The following PTPRA variants were observed in gnomAD, a reference collection of about 807,000 sequenced individuals.
PTPRA encodes receptor-type tyrosine-protein phosphatase alpha.
In PTPRA, 25 loss-of-function variants were observed where a neutral mutation model predicts 104.8. That is an observed-to-expected ratio of 0.24 (90% CI 0.17 to 0.33). The LOEUF (loss-of-function observed/expected upper bound fraction) is 0.33. Among genes scored for constraint, PTPRA ranks in the 10% least tolerant of loss-of-function variants. The pLI, the probability that PTPRA is intolerant of heterozygous loss-of-function variation, is 1.00. For synonymous variants in PTPRA, 323 were observed against 368.9 expected, an observed-to-expected ratio of 0.88 and a Z score of 1.43; for missense variants, 765 against 1,015.3, an observed-to-expected ratio of 0.75 and a Z score of 3.35.
At chr20:2,980,545 G>A (rs375958831) in intron 6 of PTPRA, among the ~76,000 whole-genome samples, 4 of 151,564 alleles carry the variant, frequency 2.6e-5, no homozygotes, top group Non-Finnish European at 5.9e-5. Context: ...GTGAGACTCC[G>A]TCTCGAGAAA....
At chr20:2,992,078 C>T (rs2063199127) in intron 9 of PTPRA, among the ~76,000 whole-genome samples, 1 of 152,170 alleles carries the variant, frequency 6.6e-6, no homozygotes, top group African/African-American at 2.4e-5. Context: ...TTTTCTTCTT[C>T]AGTTAACTGT....
At chr20:2,867,927 C>G in the PTPRA span, among the ~76,000 whole-genome samples, 1 of 152,198 alleles carries the variant, frequency 6.6e-6, no homozygotes, top group Non-Finnish European at 1.5e-5. Context: ...AACTATCATG[C>G]TCGCCATTCA....
intron 11 of PTPRA, among the ~76,000 whole-genome samples, chr20:3,009,805 CA>C (rs991764933): frequency 1.3e-5 from 2 of 151,848 alleles, no homozygotes; most frequent in Non-Finnish European, 2.9e-5. Flanking sequence ...TTAGTGTGTC[CA>C]GCTGCGGGTA....
At chr20:2,924,934 C>T (rs2060239274) in intron 2 of PTPRA, among the ~76,000 whole-genome samples, 1 of 152,170 alleles carries the variant, frequency 6.6e-6, no homozygotes, top group Admixed American at 6.6e-5. Context: ...CTGCCTCTGC[C>T]TCCCAAAGTG....
chr20:2,877,998 A>G (rs910722566), intron 1 of PTPRA, among the ~76,000 whole-genome samples: 15 of 152,066 alleles, frequency 9.9e-5, no homozygotes, highest in African/African-American at 2.9e-4. Context: ...TAAAAATACA[A>G]AAATTAGCTG....
intron 1 of PTPRA, among the ~76,000 whole-genome samples, chr20:2,921,163 A>G (rs1274763352): frequency 7.2e-5 from 11 of 152,148 alleles, no homozygotes; most frequent in Admixed American, 4.6e-4. Flanking sequence ...CTCTGAAAGC[A>G]GGAGGGCAAA....
intron 1 of PTPRA, among the ~76,000 whole-genome samples, chr20:2,904,126 G>A (rs114572200): frequency 0.042 from 6,450 of 151,830 alleles, 316 homozygotes; most frequent in Admixed American, 0.11. Context: ...ATGATGCCCC[G>A]GCTGGTCTTG....
chr20:3,034,108 T>G (rs1032943294), intron 20 of PTPRA, among the ~76,000 whole-genome samples: 3 of 151,896 alleles, frequency 2.0e-5, no homozygotes, highest in Non-Finnish European at 4.4e-5. Context: ...CTGTCTCTAC[T>G]AAAAATACAA....
chr20:2,994,380 C>G (rs2063316648), intron 9 of PTPRA, among the ~76,000 whole-genome samples: 1 of 152,160 alleles, frequency 6.6e-6, no homozygotes, highest in South Asian at 2.1e-4. Context: ...CTTTCCGTTT[C>G]CATTACTGGG....
chr20:2,970,214 TAC>T (rs1330764632), intron 5 of PTPRA, among the ~76,000 whole-genome samples: 1 of 152,186 alleles, frequency 6.6e-6, no homozygotes, highest in South Asian at 2.1e-4. Context: ...TTATAAACAA[TAC>T]AGTTTGTCAT....
intron 2 of PTPRA, among the ~76,000 whole-genome samples, chr20:2,933,251 T>G (rs2060570928): frequency 6.6e-6 from 1 of 152,204 alleles, no homozygotes; most frequent in Non-Finnish European, 1.5e-5. Context: ...CAAAGATGAA[T>G]TTTTTCAGTT....
intron 1 of PTPRA, among the ~76,000 whole-genome samples, chr20:2,895,938 A>G (rs1423248516): frequency 1.3e-5 from 2 of 152,188 alleles, no homozygotes; most frequent in African/African-American, 2.4e-5. Flanking sequence ...AGTTTTTTCA[A>G]TAAGAGATCA....
At chr20:2,919,333 G>A (rs681167) in intron 1 of PTPRA, among the ~76,000 whole-genome samples, 98,721 of 152,052 alleles carry the variant, frequency 0.65, 34,011 homozygotes, top group African/African-American at 0.86. Flanking sequence ...CTTACTATCA[G>A]GTTCAGTAAT....
intron 1 of PTPRA, among the ~76,000 whole-genome samples, chr20:2,882,261 CTAGA>C (rs1296313592): frequency 1.3e-5 from 2 of 151,410 alleles, no homozygotes; most frequent in Non-Finnish European, 2.9e-5. Context: ...CTCAGTATCG[CTAGA>C]TACTCTTTTT....
chr20:3,026,033 C>T (rs2065126649), intron 17 of PTPRA, among the ~76,000 whole-genome samples: 1 of 151,506 alleles, frequency 6.6e-6, no homozygotes, highest in African/African-American at 2.4e-5. Context: ...GCAACCTCTG[C>T]CTCCCGGGTT....
In PTPRA at chr20:2,901,420, A is replaced by G. The variant is rs533779509; in HGVS notation, c.-128-21787A>G. 1.2e-3 allele frequency among the ~76,000 whole-genome samples: 176 copies of G among 152,304 alleles called. 1 individual carries two copies. Among genetic ancestry groups the G allele is most frequent in the Non-Finnish European group, 2.3e-3 (159 of 68,022 alleles). ...AATAATGTATTTTTAGTTCCTTTGA[A>G]CAGAGAGGTTGCTTCAGCCATTGCT... On this transcript the variant is annotated intron_variant, in intron 1 of 23. Coordinates refer to ENST00000399903, the MANE Select transcript of PTPRA (RefSeq NM_001385305.1).
chr20:2,960,486 T>C (rs140347055), intron 3 of PTPRA, among the ~76,000 whole-genome samples: 2,103 of 152,124 alleles, frequency 0.014, 49 homozygotes, highest in African/African-American at 0.047. Flanking sequence ...CCTGACCTCG[T>C]GATCCGCCCA....
chr20:2,874,532 G>C (rs2089589047), intron 1 of PTPRA, among the ~76,000 whole-genome samples: 1 of 152,094 alleles, frequency 6.6e-6, no homozygotes, highest in African/African-American at 2.4e-5. Context: ...AGAAGCCTTT[G>C]CTCAGGAGAG....
intron 20 of PTPRA, among the ~76,000 whole-genome samples, chr20:3,030,031 T>C (rs1486111980): frequency 1.3e-5 from 2 of 152,132 alleles, no homozygotes; most frequent in African/African-American, 4.8e-5. Flanking sequence ...CTACCTGTGG[T>C]TCCTTCTGCA....
Sources: gnomAD v4.1 joint callset for allele counts (sites outside exome capture counted in the v4.1 genomes callset) on GRCh38, gnomAD v4.1.1 for gene constraint, MANE v1.5 for transcripts, NCBI Gene and HGNC (gene_info 2026-07-23, HGNC 2026-07-21) for gene names.